The following OVOL2 variants were observed in gnomAD, a reference collection of about 807,000 sequenced individuals.
OVOL2 encodes the protein transcription factor Ovo-like 2.
OVOL2 carries 13 observed loss-of-function variants against 18.1 expected under a neutral mutation model. The ratio of observed to expected loss-of-function variants is 0.72; its 90% CI spans 0.47 to 1.14. OVOL2 has a LOEUF of 1.14. Among genes scored for constraint, OVOL2 ranks in the 50% most tolerant of loss-of-function variants. The pLI is 0.00. For missense variants in OVOL2, 335 were observed against 383.0 expected (o/e 0.87, Z 1.05); for synonymous variants, 166 against 162.7 (o/e 1.02, Z -0.16).
At chr20:18,027,060 C>G (rs2036526143) in intron 3 of OVOL2, among the ~76,000 whole-genome samples, 1 of 152,096 alleles carries the variant, frequency 6.6e-6, no homozygotes, top group Admixed American at 6.5e-5. Context: ...TGCAATGTAC[C>G]CATATAAACA....
intron 3 of OVOL2, among the ~76,000 whole-genome samples, chr20:18,033,320 G>A (rs994363168): frequency 2.6e-5 from 4 of 152,262 alleles, no homozygotes; most frequent in East Asian, 3.9e-4. Flanking sequence ...GGAATTCCTC[G>A]GCTTCACCCT....
At chr20:18,041,104 CAG>C (rs2036663596) in intron 3 of OVOL2, among the ~76,000 whole-genome samples, 2 of 152,170 alleles carry the variant, frequency 1.3e-5, no homozygotes, top group Admixed American at 1.3e-4. Flanking sequence ...TGGCAGGTGG[CAG>C]AGTCAGGAGG....
rs1226628060 is a variant in OVOL2, at chr20:18,057,541, T to G, written c.94A>C (p.Ile32Leu). 6.3e-7 allele frequency: 1 copy of G among 1,577,862 alleles called. No individual in the cohort carries two copies. The highest frequency in any genetic ancestry group is 1.4e-5 in the African/African-American group (1 of 73,260). ...GGCCCCCGCGCGCGCTCACCTGGGA[T>G]GTAGGTGTCTGCCCTTTTCTCATCC... ...LPDEKRADTY[I>L]PVGLGRLLHD... The change falls in exon 1 of 4, where the codon ATC becomes CTC. Residue 32 changes from isoleucine to leucine, a missense_variant. By Grantham distance (5) the Ile-to-Leu change is conservative. Coordinates refer to ENST00000278780, the MANE Select transcript of OVOL2 (RefSeq NM_021220.4). The surrounding 1 kb of genome is among the most constrained non-coding windows in gnomAD (Gnocchi z 6.3).
intron 3 of OVOL2, among the ~76,000 whole-genome samples, chr20:18,039,533 G>C (rs951634686): frequency 6.7e-6 from 1 of 149,574 alleles, no homozygotes; most frequent in African/African-American, 2.5e-5. Context: ...TAGGGGTGCT[G>C]AAGTGGGAGT....
chr20:18,051,688 T>C (rs2036772685), intron 2 of OVOL2, among the ~76,000 whole-genome samples: 1 of 152,182 alleles, frequency 6.6e-6, no homozygotes, highest in Non-Finnish European at 1.5e-5. Flanking sequence ...TAGCCTCTGG[T>C]CACACATGGC....
chr20:18,037,559 C>T (rs1334524637), intron 3 of OVOL2, among the ~76,000 whole-genome samples: 1 of 152,234 alleles, frequency 6.6e-6, no homozygotes, highest in East Asian at 1.9e-4. Context: ...ATGCCCCACT[C>T]ATATCCCCTT....
chr20:18,032,033 C>T (rs934893668), intron 3 of OVOL2, among the ~76,000 whole-genome samples: 3 of 152,164 alleles, frequency 2.0e-5, no homozygotes, highest in South Asian at 4.1e-4. Context: ...TTTACGGCAG[C>T]CTCCCCGGAA....
chr20:18,039,607 C>CAAAAAAAAAAAAAAAAAAAAAAA, intron 3 of OVOL2, among the ~76,000 whole-genome samples: 1 of 87,050 alleles, frequency 1.1e-5, no homozygotes, highest in African/African-American at 4.0e-5. Flanking sequence ...GACGCTGTCT[C>CAAAAAAAAAAAAAAAAAAAAAAA]AAAAAAAAAA....
chr20:18,039,306 A>G (rs930203431), intron 3 of OVOL2, among the ~76,000 whole-genome samples: 3 of 152,162 alleles, frequency 2.0e-5, no homozygotes, highest in South Asian at 2.1e-4. Context: ...TGTATGTTAC[A>G]CTAAAATGAA....
rs2036486765 is a variant in OVOL2 at position 18,024,213 on chromosome 20, T to A, written c.*423A>T. The A allele has an allele frequency of 6.1e-6, 1 of 165,130 alleles. No homozygotes were observed. Among genetic ancestry groups the A allele is most frequent in the Non-Finnish European group, 1.3e-5 (1 of 74,958 alleles). 10.2% of individuals were successfully genotyped at this position (165,130 alleles called of 1,614,324 possible). On this transcript the variant is annotated 3_prime_UTR_variant, in exon 4 of 4. Transcript: ENST00000278780. ...ACATTTCATTTATTAAAATAGTTTC[T>A]GTAAACTCTTTCAGAATAACAAAAT...
Position 18,056,332 on chromosome 20 carries a change from G to C in OVOL2, c.321+325C>G, listed in dbSNP as rs972645885. On this transcript the variant is annotated intron_variant, in intron 2 of 3. Coordinates refer to ENST00000278780, the MANE Select transcript of OVOL2 (RefSeq NM_021220.4). This position sits in a 1 kb window ranked among gnomAD's most constrained non-coding sequence, Gnocchi z 4.2. ...GGTTATTCTACAGGCCTAGCGCACA[G>C]AACGGGCTGCTGGCGGAAGGCAGTG... Among the ~76,000 whole-genome samples, 1 of 152,258 alleles carries C rather than the reference G, an allele frequency of 6.6e-6. No individual in the cohort carries two copies. Among genetic ancestry groups the C allele is most frequent in the Non-Finnish European group, 1.5e-5 (1 of 68,038 alleles).
intron 3 of OVOL2, 143 bp from the exon 4 acceptor site, chr20:18,025,095 C>T (rs1293406609): frequency 1.0e-6 from 1 of 975,478 alleles, no homozygotes; most frequent in Non-Finnish European, 1.5e-6. Flanking sequence ...AGAAAACTGT[C>T]TACAAAAAAT....
chr20:18,025,843 G>A (rs996367817), intron 3 of OVOL2, among the ~76,000 whole-genome samples: 1 of 152,240 alleles, frequency 6.6e-6, no homozygotes, highest in Non-Finnish European at 1.5e-5. Flanking sequence ...GCTGCCGGCT[G>A]CTCCTGGGTG....
chr20:18,026,720 T>C (rs1278675225), intron 3 of OVOL2, among the ~76,000 whole-genome samples: 1 of 152,064 alleles, frequency 6.6e-6, no homozygotes, highest in Non-Finnish European at 1.5e-5. Context: ...GATATTCCAG[T>C]GTTCAACTTG....
At chr20:18,046,463 C>T (rs1253800847) in intron 2 of OVOL2, among the ~76,000 whole-genome samples, 8 of 152,202 alleles carry the variant, frequency 5.3e-5, no homozygotes, top group Non-Finnish European at 8.8e-5. Context: ...CAGCCTCAGC[C>T]GCCATCTGAC....
At chr20:18,043,044 T>C (rs2036689046) in intron 2 of OVOL2, among the ~76,000 whole-genome samples, 1 of 152,150 alleles carries the variant, frequency 6.6e-6, no homozygotes, top group Admixed American at 6.5e-5. Context: ...ACCTGGCCAA[T>C]GAAATAGAAA....
At chr20:18,044,371 C>T (rs1235859309) in intron 2 of OVOL2, among the ~76,000 whole-genome samples, 4 of 152,190 alleles carry the variant, frequency 2.6e-5, no homozygotes, top group African/African-American at 9.7e-5. Context: ...CGGTCCCATT[C>T]CTGCCTCCCT....
At chr20:18,031,052 T>C (rs894962568) in intron 3 of OVOL2, among the ~76,000 whole-genome samples, 1 of 152,120 alleles carries the variant, frequency 6.6e-6, no homozygotes, top group South Asian at 2.1e-4. Context: ...ATCTTGGTGC[T>C]CTCACGCAAA....
intron 2 of OVOL2, among the ~76,000 whole-genome samples, chr20:18,048,531 A>T (rs542397831): frequency 7.9e-5 from 12 of 152,226 alleles, no homozygotes; most frequent in African/African-American, 2.9e-4. Context: ...GTTCAAGATC[A>T]GCCTGGCCAA....
Sources: gnomAD v4.1 joint callset for allele counts (sites outside exome capture counted in the v4.1 genomes callset) on GRCh38, gnomAD v4.1.1 for gene constraint, Gnocchi (gnomAD v3.1) non-coding constraint, MANE v1.5 for transcripts, NCBI Gene and HGNC (gene_info 2026-07-23, HGNC 2026-07-21) for gene names.